AMPH: variants seen among roughly 807,000 people sequenced by gnomAD.
The protein encoded by AMPH is amphiphysin.
A neutral mutation model predicts 99.1 loss-of-function variants in AMPH; 49 were observed. That is an observed-to-expected ratio of 0.49 (90% confidence interval 0.39 to 0.63). AMPH has a LOEUF of 0.63. Ranked by LOEUF, AMPH falls within the 20% of genes least tolerant of loss-of-function variation. The probability of loss-of-function intolerance (pLI) is 0.00; values close to 1 mark genes in which losing one functional copy is unlikely to be tolerated. For missense variants in AMPH, 759 were observed against 863.4 expected, an observed-to-expected ratio of 0.88 and a Z score of 1.52; for synonymous variants, 314 against 317.3, an observed-to-expected ratio of 0.99 and a Z score of 0.11.
At chr7:38,436,444 G>C (rs1182709133) in intron 11 of AMPH, 56 bp from the exon 12 acceptor site, 4 of 1,290,782 alleles carry the variant, frequency 3.1e-6, no homozygotes, top group East Asian at 2.3e-5. Flanking sequence ...AATCTGATAA[G>C]ACCATGATAT....
intron 1 of AMPH, among the ~76,000 whole-genome samples, chr7:38,610,377 G>GAAAAGAAAA (rs1491509609): frequency 2.9e-4 from 7 of 24,196 alleles, no homozygotes; most frequent in East Asian, 2.0e-3. Flanking sequence ...AGAAAAGAAA[G>GAAAAGAAAA]GAAAGGAAAA....
At chr7:38,447,595 G>C (rs921094932) in intron 11 of AMPH, among the ~76,000 whole-genome samples, 2 of 152,010 alleles carry the variant, frequency 1.3e-5, no homozygotes, top group Non-Finnish European at 2.9e-5. Flanking sequence ...CAGAAATCTA[G>C]CCTCCAGAGC....
intron 2 of AMPH, among the ~76,000 whole-genome samples, chr7:38,523,273 G>A (rs1392555943): frequency 6.6e-6 from 1 of 152,002 alleles, no homozygotes; most frequent in Non-Finnish European, 1.5e-5. Context: ...TATATATCCT[G>A]TCCACTTAGA....
intron 2 of AMPH, among the ~76,000 whole-genome samples, chr7:38,509,214 A>G (rs3807406): frequency 0.49 from 74,358 of 152,018 alleles, 19,015 homozygotes; most frequent in African/African-American, 0.64. Flanking sequence ...GATACAAGAT[A>G]AAGATGAAAT....
At chr7:38,543,419 C>G (rs984913922) in intron 1 of AMPH, among the ~76,000 whole-genome samples, 5 of 152,166 alleles carry the variant, frequency 3.3e-5, no homozygotes, top group Admixed American at 1.3e-4. Context: ...GGGTATGAAA[C>G]AGATGAAGCA....
chr7:38,429,779 T>C (rs1785932347), intron 14 of AMPH, 63 bp downstream of exon 14: 2 of 1,487,140 alleles, frequency 1.3e-6, no homozygotes, highest in Non-Finnish European at 1.9e-6. Flanking sequence ...CTAGAAAATA[T>C]ACTATGTATG....
At chr7:38,622,245 C>T (rs1188431841) in intron 1 of AMPH, among the ~76,000 whole-genome samples, 1 of 152,064 alleles carries the variant, frequency 6.6e-6, no homozygotes, top group African/African-American at 2.4e-5. Context: ...GTGTAAATGG[C>T]TAGAAAGTCT....
intron 1 of AMPH, among the ~76,000 whole-genome samples, chr7:38,613,484 A>C (rs1793756890): frequency 6.6e-6 from 1 of 152,184 alleles, no homozygotes; most frequent in African/African-American, 2.4e-5. Context: ...TCTTAACTAA[A>C]GAGATCAATC....
intron 11 of AMPH, among the ~76,000 whole-genome samples, chr7:38,456,661 T>C (rs1040153240): frequency 3.3e-5 from 5 of 152,090 alleles, no homozygotes; most frequent in African/African-American, 1.2e-4. Flanking sequence ...TTCCCGTGGG[T>C]TACTCCACCA....
At chr7:38,489,627 T>C (rs1788645662) in intron 5 of AMPH, among the ~76,000 whole-genome samples, 1 of 152,116 alleles carries the variant, frequency 6.6e-6, no homozygotes, top group African/African-American at 2.4e-5. Context: ...ACATGTTTGA[T>C]GAGGAGTTAA....
At chr7:38,387,348 C>T (rs1053606600) in intron 20 of AMPH, among the ~76,000 whole-genome samples, 5 of 152,102 alleles carry the variant, frequency 3.3e-5, no homozygotes, top group African/African-American at 1.2e-4. Flanking sequence ...AAATTTAAGG[C>T]AGCTATTATA....
At chr7:38,571,044 TATATATATTCATATATTGA>T (rs1262101121) in intron 1 of AMPH, among the ~76,000 whole-genome samples, 1,047 of 63,690 alleles carry the variant, frequency 0.016, 177 homozygotes, top group East Asian at 0.055. Flanking sequence ...ATATATAGAA[TATATATATTCATATATTGA>T]ATATATATAG....
At chr7:38,515,126 C>A (rs1474710540) in intron 2 of AMPH, among the ~76,000 whole-genome samples, 1 of 152,094 alleles carries the variant, frequency 6.6e-6, no homozygotes. Flanking sequence ...AAAAGAGGAA[C>A]AAGGCATTGG....
intron 3 of AMPH, 40 bp downstream of exon 3, chr7:38,503,610 T>C (rs1435230603): frequency 6.3e-7 from 1 of 1,596,774 alleles, no homozygotes; most frequent in South Asian, 1.1e-5. Flanking sequence ...AAGAACAACC[T>C]GTGCTAAGTA....
chr7:38,467,922 C>T (rs1334494882), intron 7 of AMPH, among the ~76,000 whole-genome samples: 1 of 152,072 alleles, frequency 6.6e-6, no homozygotes, highest in Non-Finnish European at 1.5e-5. Context: ...AAGGTGGGTA[C>T]AGATGGAAGA....
chr7:38,610,107 A>G (rs1175251812), intron 1 of AMPH, among the ~76,000 whole-genome samples: 1 of 150,586 alleles, frequency 6.6e-6, no homozygotes, highest in Non-Finnish European at 1.5e-5. Flanking sequence ...GTGGTGGCGC[A>G]TGCCTGTAAT....
At chr7:38,474,879 A>C (rs934599443) in intron 7 of AMPH, among the ~76,000 whole-genome samples, 2 of 152,194 alleles carry the variant, frequency 1.3e-5, no homozygotes, top group Non-Finnish European at 2.9e-5. Context: ...GTAGAGGCTT[A>C]CCATCTAAGC....
intron 14 of AMPH, chr7:38,429,306 T>G: frequency 1.6e-6 from 2 of 1,287,864 alleles, no homozygotes; most frequent in Non-Finnish European, 2.0e-6. Context: ...CCCCGGGGCA[T>G]GCTCACTCTC....
chr7:38,535,555 T>C (rs1293468236), intron 1 of AMPH, among the ~76,000 whole-genome samples: 2 of 152,184 alleles, frequency 1.3e-5, no homozygotes, highest in African/African-American at 4.8e-5. Flanking sequence ...ACATTTATTG[T>C]GCACTTTATT....
Sources: allele counts gnomAD v4.1 joint callset (sites outside exome capture counted in the v4.1 genomes callset), GRCh38; gene constraint gnomAD v4.1.1; transcripts MANE v1.5; gene names NCBI Gene and HGNC (gene_info 2026-07-23, HGNC 2026-07-21).